Variants in PPP6R3 observed in about 807,000 individuals in gnomAD.
PPP6R3 encodes the protein serine/threonine-protein phosphatase 6 regulatory subunit 3.
In PPP6R3, 38 loss-of-function variants were observed where a neutral mutation model predicts 110.7. The ratio of observed to expected loss-of-function variants is 0.34; its 90% CI spans 0.26 to 0.45. The LOEUF is 0.45. Ranked by LOEUF, PPP6R3 falls within the 20% of genes least tolerant of loss-of-function variation. The pLI is 1.00. For synonymous variants in PPP6R3, 369 were observed against 373.5 expected (o/e 0.99, Z 0.14); for missense variants, 870 against 1,062.4 (o/e 0.82, Z 2.52).
At chr11:68,569,157 A>C (rs2099492201) in intron 10 of PPP6R3, among the ~76,000 whole-genome samples, 1 of 152,150 alleles carries the variant, frequency 6.6e-6, no homozygotes, top group African/African-American at 2.4e-5. Flanking sequence ...TCTCTTGGAG[A>C]AACGTACTCT....
At chr11:68,588,050 G>T (rs368466509) in intron 16 of PPP6R3, 26 bp downstream of exon 16, 3 of 1,579,178 alleles carry the variant, frequency 1.9e-6, no homozygotes, top group Non-Finnish European at 2.6e-6. Context: ...TGTTTCCGCT[G>T]TTGCTCTTGC....
Position 68,554,190 on chromosome 11 carries a change from A to G in PPP6R3, c.664A>G (p.Ser222Gly), listed in dbSNP as rs1483746081. The G allele has an allele frequency of 6.2e-6, 10 of 1,613,912 alleles. No homozygotes were observed. The highest frequency in any genetic ancestry group is 1.3e-5 in the African/African-American group (1 of 75,020). ...SQSLCEIVRL[S>G]RDQMLQIQNS... is the part of the protein sequence containing the mutation. ...ATCACTTTGTGAAATTGTTCGCCTG[A>G]GCAGAGACCAGATGTTACAAATTCA... Residue 222 changes from serine to glycine, a missense_variant, in exon 7 of 24, where the codon AGC becomes GGC. By Grantham distance (56) the Ser-to-Gly change is moderately conservative. Coordinates refer to ENST00000393800, the MANE Select transcript of PPP6R3 (RefSeq NM_001164161.2).
rs2099356682 is a variant in PPP6R3, at chr11:68,548,184, C to T, written c.532C>T (p.Pro178Ser). 2 of 1,613,990 alleles carry T rather than the reference C, an allele frequency of 1.2e-6. No homozygotes were observed. The highest frequency in any genetic ancestry group is 2.7e-5 in the African/African-American group (2 of 74,906). Residue 178 changes from proline to serine, a missense_variant, in exon 5 of 24, where the codon CCC becomes TCC. Physicochemically the swap from Pro to Ser is moderately conservative, Grantham distance 74. Coordinates refer to ENST00000393800, the MANE Select transcript of PPP6R3 (RefSeq NM_001164161.2). ...CCTGACGTGTATCGAACCTCCACAG[C>T]CCAGGCAAGATGTGCTGAATGTGAG... Reference protein sequence around the residue: ...RLLTCIEPPQPRQDVLNWLNE... With the variant: ...RLLTCIEPPQSRQDVLNWLNE...
chr11:68,511,433 G>C (rs2099108825), intron 1 of PPP6R3, among the ~76,000 whole-genome samples: 1 of 140,974 alleles, frequency 7.1e-6, no homozygotes, highest in Non-Finnish European at 1.6e-5. Context: ...ACAACTTTTG[G>C]TTTCCTCTGG....
At chr11:68,473,574 A>G (rs2098807618) in intron 1 of PPP6R3, among the ~76,000 whole-genome samples, 1 of 152,198 alleles carries the variant, frequency 6.6e-6, no homozygotes, top group African/African-American at 2.4e-5. Flanking sequence ...AGCACAGGTA[A>G]AACAACCTGG....
intron 11 of PPP6R3, 90 bp downstream of exon 11, chr11:68,569,987 C>A: frequency 8.2e-7 from 1 of 1,218,922 alleles, no homozygotes; most frequent in Non-Finnish European, 1.1e-6. Flanking sequence ...GTTTAAAGGG[C>A]TTGAGGTTAG....
chr11:68,498,941 C>T (rs1453944160), intron 1 of PPP6R3, among the ~76,000 whole-genome samples: 2 of 152,132 alleles, frequency 1.3e-5, no homozygotes, highest in Admixed American at 6.6e-5. Context: ...GTGAAAGTTC[C>T]ACTTACTCTG....
chr11:68,475,615 G>A lies in PPP6R3; in HGVS notation c.-158+14788G>A, dbSNP rs866325464. On this transcript the variant is annotated intron_variant, in intron 1 of 23. Transcript: ENST00000393800. ...GCCCCCCACCTCCCTCCCGGACGGG[G>A]CGGCTGGCCGGGTGGGGGCTGCCCC... Among the ~76,000 whole-genome samples the A allele has an allele frequency of 5.0e-4, 75 of 151,110 alleles. 1 individual carries two copies. The South Asian group carries it at 0.016, about 31-fold the overall frequency.
chr11:68,506,756 G>T (rs922567378), intron 1 of PPP6R3, among the ~76,000 whole-genome samples: 1 of 152,064 alleles, frequency 6.6e-6, no homozygotes, highest in Non-Finnish European at 1.5e-5. Context: ...AGCAATCTTT[G>T]TACACTTATC....
At chr11:68,537,964 A>G (rs2099279085) in intron 3 of PPP6R3, 73 bp downstream of exon 3, 1 of 1,127,560 alleles carries the variant, frequency 8.9e-7, no homozygotes, top group Non-Finnish European at 1.3e-6. Flanking sequence ...CTCTTGTTCA[A>G]GGATTCTCCA....
At position 68,614,084 on chromosome 11, in the gene PPP6R3, C is replaced by T. The variant is rs551419966; in HGVS notation, c.*967C>T. The T allele has an allele frequency of 2.2e-5, 22 of 985,856 alleles. No individual in the cohort carries two copies. In the South Asian group the frequency reaches 1.0e-3, roughly 46 times the overall value. 61.1% of individuals were successfully genotyped at this position (985,856 alleles called of 1,614,324 possible). A position where few individuals can be genotyped will look rare whatever the true frequency, so the allele number is the denominator to read the frequency against. The stretch of plus-strand genomic sequence containing the variant: ...CTATTAGGCAAGTCAGTTGAAAATG[C>T]TCGTGCTGCTAATGGAATTAGAGTG... On this transcript the variant is annotated 3_prime_UTR_variant, in exon 24 of 24. Transcript: ENST00000393800.
intron 21 of PPP6R3, among the ~76,000 whole-genome samples, chr11:68,602,798 T>G (rs2099635718): frequency 6.6e-6 from 1 of 152,176 alleles, no homozygotes; most frequent in African/African-American, 2.4e-5. Context: ...TAGATGAGGT[T>G]CCTTGTCCAA....
rs1482587737 is a variant in PPP6R3, at chr11:68,519,529, T to G, written c.-129T>G. 1 of 398,498 alleles carries G rather than the reference T, an allele frequency of 2.5e-6. No homozygotes were observed. The highest frequency in any genetic ancestry group is 4.4e-5 in the Admixed American group (1 of 22,734). The allele number at this position is 398,498 out of a possible 1,614,324, so 24.7% of individuals were successfully genotyped here. A position where few individuals can be genotyped will look rare whatever the true frequency, so the allele number is the denominator to read the frequency against. On this transcript the variant is annotated 5_prime_UTR_variant, in exon 2 of 24. Coordinates refer to ENST00000393800, the MANE Select transcript of PPP6R3 (RefSeq NM_001164161.2). The stretch of plus-strand genomic sequence containing the variant: ...AGCTTGTTTCATATCCATATCCCAC[T>G]GTATTCCTGCTAATCTGCTAATGCA...
At chr11:68,541,669 G>T (rs1045777174) in intron 3 of PPP6R3, among the ~76,000 whole-genome samples, 3 of 152,116 alleles carry the variant, frequency 2.0e-5, no homozygotes, top group African/African-American at 7.2e-5. Context: ...GAATGAGATC[G>T]CCTGCAGAGC....
chr11:68,538,983 G>A (rs2099290918), intron 3 of PPP6R3, among the ~76,000 whole-genome samples: 1 of 152,188 alleles, frequency 6.6e-6, no homozygotes, highest in Admixed American at 6.5e-5. Context: ...AGCTGTGCCT[G>A]GTGGCAGGCA....
chr11:68,609,712 CCCTTT>C lies in PPP6R3; in HGVS notation c.2451-186_2451-182del, dbSNP rs1942363257. On this transcript the variant is annotated intron_variant, in intron 22 of 23. Coordinates refer to ENST00000393800, the MANE Select transcript of PPP6R3 (RefSeq NM_001164161.2). The stretch of plus-strand genomic sequence containing the variant: ...TGTTTTGGTTCCCACCTGTGTGCGA[CCCTTT>C]CCTTTTGTGATTCCCCAGTCACTGT... 3.8e-6 allele frequency: 6 copies of C among 1,574,808 alleles called. No individual in the cohort carries two copies. In the East Asian group the frequency reaches 1.1e-4, roughly 29 times the overall value.
Position 68,613,037 on chromosome 11 carries a change from G to A in PPP6R3, c.2571-29G>A, listed in dbSNP as rs370627196. On this transcript the variant is annotated intron_variant, in intron 23 of 23. Transcript: ENST00000393800. ...TGTTTTTCATATTTCTGCTGCAAGT[G>A]CCTCCGATGCCTGTCTGTTGCTCCT... 6.2e-5 allele frequency: 100 copies of A among 1,614,084 alleles called. 3 individuals are homozygous for A. The South Asian group carries it at 1.0e-3, about 17-fold the overall frequency.
At chr11:68,526,770 A>G (rs759312931) in intron 2 of PPP6R3, among the ~76,000 whole-genome samples, 6 of 152,252 alleles carry the variant, frequency 3.9e-5, no homozygotes, top group Non-Finnish European at 7.3e-5. Flanking sequence ...TTCGTAGTAG[A>G]AATAACCCAT....
intron 14 of PPP6R3, 101 bp downstream of exon 14, chr11:68,576,144 T>C: frequency 1.2e-6 from 1 of 833,248 alleles, no homozygotes; most frequent in East Asian, 2.7e-5. Flanking sequence ...TCAGTAACTG[T>C]GAGCCAAAGA....
Sources: allele counts gnomAD v4.1 joint callset (sites outside exome capture counted in the v4.1 genomes callset), GRCh38; gene constraint gnomAD v4.1.1; transcripts MANE v1.5; gene names NCBI Gene and HGNC (gene_info 2026-07-23, HGNC 2026-07-21).